COL6A2: variants seen among roughly 807,000 people sequenced by gnomAD.
COL6A2 encodes collagen alpha-2(VI) chain.
In COL6A2, 90 loss-of-function variants were observed where a neutral mutation model predicts 124.9. That is an observed-to-expected ratio of 0.72 (90% CI 0.61 to 0.86). COL6A2 has a LOEUF of 0.86. Among genes scored for constraint, COL6A2 ranks in the 40% least tolerant of loss-of-function variants. COL6A2 has a pLI of 0.00. For synonymous variants in COL6A2, 793 were observed against 618.2 expected, an observed-to-expected ratio of 1.28 and a Z score of -4.19; for missense variants, 1,607 against 1,502.5, an observed-to-expected ratio of 1.07 and a Z score of -1.15.
At chr21:46,124,025 A>T (rs1181908776) in intron 21 of COL6A2, among the ~76,000 whole-genome samples, 2 of 127,300 alleles carry the variant, frequency 1.6e-5, no homozygotes, top group Non-Finnish European at 3.2e-5. Context: ...GAATGAGTGG[A>T]TGGACAGACG....
At chr21:46,124,017 ATGAGTGGATGGACAGACGGACAG>A (rs140953671) in intron 21 of COL6A2, among the ~76,000 whole-genome samples, 9,633 of 145,280 alleles carry the variant, frequency 0.066, 543 homozygotes, top group East Asian at 0.35. Context: ...GGTTAGGTGA[ATGAGTGGATGGACAGACGGACAG>A]TGGGTGGATG....
chr21:46,111,135 T>G (rs1320587581), intron 1 of COL6A2, among the ~76,000 whole-genome samples: 1 of 152,050 alleles, frequency 6.6e-6, no homozygotes, highest in African/African-American at 2.4e-5. Context: ...TTCCCTTCCA[T>G]GCCGACGCGC....
rs200488881 is a variant in COL6A2 at position 46,132,083 on chromosome 21, C to A, written c.2591C>A (p.Thr864Lys). ...RFVEQVARRL[T>K]LARRDDDPLN... ...GTGGAGCAGGTGGCGCGGCGGCTGA[C>A]GCTGGCCCGGAGGGACGACGACCCT... Residue 864 changes from threonine (T) to lysine (K), a missense_variant, in exon 28 of 28, where the codon ACG becomes AAG. This residue lies in a region of COL6A2 where 1,223 missense variants were observed against 1,052.2 expected (regional missense o/e 1.16). Transcript: ENST00000300527. 1.9e-6 allele frequency: 3 copies of A among 1,600,992 alleles called. No homozygotes were observed. The highest frequency in any genetic ancestry group is 2.7e-5 in the African/African-American group (2 of 74,666).
intron 1 of COL6A2, among the ~76,000 whole-genome samples, chr21:46,105,322 G>C (rs918090638): frequency 6.6e-6 from 1 of 152,136 alleles, no homozygotes; most frequent in African/African-American, 2.4e-5. Flanking sequence ...GGAGGTTGAA[G>C]CTGCAGTGAG....
rs201392506 is a variant in COL6A2 at position 46,112,547 on chromosome 21, G to A, written c.684G>A (p.Gln228=). The change falls in exon 3 of 28, where the codon CAG becomes CAA. Residue 228 remains glutamine, a synonymous_variant. Coordinates refer to ENST00000300527, the MANE Select transcript of COL6A2 (RefSeq NM_001849.4). ...TMLPDSTEID[Q]DTINRIIKVM... ...TGCCCGACTCCACCGAGATCGACCAGGACACCATCAACCGCATCATCAAGG... is the reference window on the plus strand; with the variant it reads ...TGCCCGACTCCACCGAGATCGACCAAGACACCATCAACCGCATCATCAAGG... 1.4e-5 allele frequency: 23 copies of A among 1,612,080 alleles called. No individual in the cohort carries two copies. Among genetic ancestry groups the A allele is most frequent in the Non-Finnish European group, 1.9e-5 (23 of 1,179,884 alleles).
In COL6A2 at chr21:46,116,667, A is replaced by ACGGT; in HGVS notation, c.947_950dup (p.Lys318SerfsTer134). 6.2e-7 allele frequency: 1 copy of ACGGT among 1,612,990 alleles called. No homozygotes were observed. Among genetic ancestry groups the ACGGT allele is most frequent in the Non-Finnish European group, 8.5e-7 (1 of 1,180,006 alleles). ...CCTACACAGGGTGAATTTGGAGCCGACGGTCGCAAGGTAGGCTGGCTGGGT... is the reference window on the plus strand; with the variant it reads ...CCTACACAGGGTGAATTTGGAGCCGACGGTCGGTCGCAAGGTAGGCTGGCTGGGT... On this transcript the variant is annotated frameshift_variant, in exon 9 of 28. Transcript: ENST00000300527. LOFTEE classifies it high-confidence loss of function. This position sits in a 1 kb window ranked among gnomAD's most constrained non-coding sequence, Gnocchi z 4.6.
Position 46,116,688 on chromosome 21 carries a change from T to G in COL6A2, c.954+11T>G, listed in dbSNP as rs1444269604. 1 of 1,613,042 alleles carries G rather than the reference T, an allele frequency of 6.2e-7. No homozygotes were observed. Reference sequence around the variant, plus strand: ...GCCGACGGTCGCAAGGTAGGCTGGCTGGGTAGGCAGAGCCCCTCCTTCCTG... The same window carrying G: ...GCCGACGGTCGCAAGGTAGGCTGGCGGGGTAGGCAGAGCCCCTCCTTCCTG... On this transcript the variant is annotated intron_variant, in intron 9 of 27. Transcript: ENST00000300527. The surrounding 1 kb of genome is among the most constrained non-coding windows in gnomAD (Gnocchi z 4.6).
chr21:46,122,563 C>G (rs1307372943), intron 20 of COL6A2, 32 bp downstream of exon 20: 2 of 1,611,324 alleles, frequency 1.2e-6, no homozygotes, highest in Admixed American at 3.3e-5. Context: ...CTGTGCCCAC[C>G]CAGGGTGGGG....
intron 1 of COL6A2, among the ~76,000 whole-genome samples, chr21:46,100,863 A>C (rs920416276): frequency 1.3e-5 from 2 of 152,242 alleles, no homozygotes; most frequent in African/African-American, 4.8e-5. Context: ...CCATGAACAC[A>C]CCACACAGAT....
In COL6A2 at chr21:46,117,281, GC is replaced by G. The variant is rs1189651237; in HGVS notation, c.1000-117del. On this transcript the variant is annotated intron_variant, in intron 10 of 27. Coordinates refer to ENST00000300527, the MANE Select transcript of COL6A2 (RefSeq NM_001849.4). ...CGTGGCCTCATGTGGGCACCCGTGT[GC>G]CAGGAGGAGAGCGCTGCAGCCCTGC... is the stretch of plus-strand genomic sequence containing the variant. The G allele has an allele frequency of 5.1e-5, 52 of 1,027,336 alleles. No homozygotes were observed. The African/African-American group carries it at 7.4e-4, about 15-fold the overall frequency. 63.6% of individuals were successfully genotyped at this position (1,027,336 alleles called of 1,614,324 possible). A position where few individuals can be genotyped will look rare whatever the true frequency, so the allele number is the denominator to read the frequency against.
rs893140705 is a variant in COL6A2 at position 46,116,184 on chromosome 21, G to A, written c.900+131G>A. 1.8e-5 allele frequency: 21 copies of A among 1,166,178 alleles called. No homozygotes were observed. The highest frequency in any genetic ancestry group is 1.2e-4 in the African/African-American group (8 of 65,112). 72.2% of individuals were successfully genotyped at this position (1,166,178 alleles called of 1,614,324 possible). A position where few individuals can be genotyped will look rare whatever the true frequency, so the allele number is the denominator to read the frequency against. ...AGTTACCAAGGAACAGAAGCACCTC[G>A]ATAACTTGATGGCCGTCCCAAAACC... On this transcript the variant is annotated intron_variant, in intron 7 of 27. Coordinates refer to ENST00000300527, the MANE Select transcript of COL6A2 (RefSeq NM_001849.4). This position sits in a 1 kb window ranked among gnomAD's most constrained non-coding sequence, Gnocchi z 4.6.
At chr21:46,130,723 ATGTTATTAGTTT>A (rs2078749592) in intron 27 of COL6A2, among the ~76,000 whole-genome samples, 1 of 152,320 alleles carries the variant, frequency 6.6e-6, no homozygotes, top group Middle Eastern at 3.4e-3. Flanking sequence ...AGCAGTGAAA[ATGTTATTAGTTT>A]TGAGGGGGTT....
intron 27 of COL6A2, chr21:46,129,442 T>TGCACAGGGACATCGTGGGGG: frequency 6.2e-7 from 1 of 1,605,614 alleles, no homozygotes; most frequent in Admixed American, 1.7e-5. Context: ...TTTAAGCTGG[T>TGCACAGGGACATCGTGGGGG]GCACAGGGAC....
intron 1 of COL6A2, among the ~76,000 whole-genome samples, chr21:46,105,337 C>T (rs909444126): frequency 5.9e-5 from 9 of 152,078 alleles, no homozygotes; most frequent in African/African-American, 2.2e-4. Flanking sequence ...AGTGAGCTGT[C>T]ACCACACCAC....
chr21:46,112,632 T>C, intron 3 of COL6A2, 55 bp downstream of exon 3: 2 of 1,595,164 alleles, frequency 1.3e-6, no homozygotes, highest in Non-Finnish European at 1.7e-6. Flanking sequence ...CGGTGGGCCG[T>C]CCACCCACTC....
At chr21:46,127,290 G>A (rs958681524) in intron 27 of COL6A2, among the ~76,000 whole-genome samples, 59 of 152,090 alleles carry the variant, frequency 3.9e-4, no homozygotes, top group African/African-American at 5.1e-4. Flanking sequence ...CAGGGTCTGC[G>A]GTACGAAGTC....
chr21:46,112,733 C>T, intron 3 of COL6A2, 71 bp from the exon 4 acceptor site: 1 of 1,610,598 alleles, frequency 6.2e-7, no homozygotes, highest in South Asian at 1.1e-5. Context: ...TCCATCCCCA[C>T]CCAGACTCGA....
intron 21 of COL6A2, among the ~76,000 whole-genome samples, chr21:46,123,874 G>GATAA (rs1296156910): frequency 7.0e-6 from 1 of 143,542 alleles, no homozygotes; most frequent in Non-Finnish European, 1.5e-5. Context: ...TTGGCAGATG[G>GATAA]ATGGATGGGT....
chr21:46,123,684 AGTAGGTGG>A (rs1555874945), intron 21 of COL6A2, among the ~76,000 whole-genome samples: 21 of 40,954 alleles, frequency 5.1e-4, no homozygotes, highest in African/African-American at 9.9e-4. Context: ...TGTATGGGTG[AGTAGGTGG>A]GTAGGTGGGT....
Sources: gnomAD v4.1 joint callset for allele counts (sites outside exome capture counted in the v4.1 genomes callset) on GRCh38, gnomAD v4.1.1 for gene constraint, gnomAD v4.1.1 regional missense constraint, Gnocchi (gnomAD v3.1) non-coding constraint, MANE v1.5 for transcripts, NCBI Gene and HGNC (gene_info 2026-07-23, HGNC 2026-07-21) for gene names.